Variants in TIAM2 observed in about 807,000 individuals in gnomAD.
The protein encoded by TIAM2 is TIAM Rac1 associated GEF 2.
Under a neutral mutation model 152.9 loss-of-function variants are expected in TIAM2, and 80 were observed. The observed-to-expected ratio is 0.52, with a 90% CI of 0.44 to 0.63. TIAM2 has a LOEUF of 0.63. Among genes scored for constraint, TIAM2 ranks in the 30% least tolerant of loss-of-function variants. The pLI is 0.00. For missense variants in TIAM2, 1,965 were observed against 2,120.1 expected (o/e 0.93, Z 1.44); for synonymous variants, 804 against 838.0 (o/e 0.96, Z 0.70).
chr6:155,151,530 A>G (rs907823712), intron 7 of TIAM2, among the ~76,000 whole-genome samples: 1 of 152,222 alleles, frequency 6.6e-6, no homozygotes, highest in Non-Finnish European at 1.5e-5. Flanking sequence ...GGAGGGACAC[A>G]TTCAGCCCAT....
chr6:155,160,586 G>A (rs1463808284), intron 7 of TIAM2, among the ~76,000 whole-genome samples: 1 of 152,106 alleles, frequency 6.6e-6, no homozygotes, highest in Non-Finnish European at 1.5e-5. Context: ...GGGCAACATA[G>A]TAAAACCCTG....
intron 19 of TIAM2, among the ~76,000 whole-genome samples, chr6:155,246,164 C>G (rs757122294): frequency 5.9e-5 from 9 of 151,856 alleles, no homozygotes; most frequent in Non-Finnish European, 1.0e-4. Flanking sequence ...AAAGTAAAGT[C>G]TCTCTGGTGC....
rs1779400450 is a variant in TIAM2 at position 155,129,863 on chromosome 6, G to A, written c.640G>A (p.Ala214Thr). 2 of 1,613,694 alleles carry A rather than the reference G, an allele frequency of 1.2e-6. No individual in the cohort carries two copies. Among genetic ancestry groups the A allele is most frequent in the East Asian group, 4.5e-5 (2 of 44,880 alleles). Reference protein sequence around the residue: ...LASETSPVPEARRGSSADSLP... With the variant: ...LASETSPVPETRRGSSADSLP... ...ATCGGAAACCTCCCCTGTGCCTGAA[G>A]CCAGGAGGGGGTCCAGCGCCGATTC... The change falls in exon 4 of 27, where the codon GCC (alanine) becomes ACC (threonine). Residue 214 changes from alanine to threonine, a missense_variant. Ala to Thr is a moderately conservative substitution (Grantham distance 58). This residue lies in a region of TIAM2 where 1,025 missense variants were observed against 1,119.4 expected (regional missense o/e 0.92). Coordinates refer to ENST00000682666, the MANE Select transcript of TIAM2 (RefSeq NM_012454.4). The surrounding 1 kb of genome is among the most constrained non-coding windows in gnomAD (Gnocchi z 4.8).
At chr6:155,178,542 C>A (rs1780814410) in intron 10 of TIAM2, among the ~76,000 whole-genome samples, 2 of 151,984 alleles carry the variant, frequency 1.3e-5, no homozygotes, top group African/African-American at 4.8e-5. Flanking sequence ...AAATAATTGT[C>A]CTCCTTTACT....
At chr6:155,088,117 A>G (rs1238997449) in intron 1 of TIAM2, among the ~76,000 whole-genome samples, 1 of 140,242 alleles carries the variant, frequency 7.1e-6, no homozygotes, top group Non-Finnish European at 1.5e-5. Context: ...GTGCAATGGC[A>G]TGATCTCGTT....
chr6:155,208,203 A>G (rs1245370296), intron 14 of TIAM2, among the ~76,000 whole-genome samples: 1 of 152,184 alleles, frequency 6.6e-6, no homozygotes, highest in Non-Finnish European at 1.5e-5. Context: ...AAGTCTTCTT[A>G]TTTACAAGGT....
intron 2 of TIAM2, among the ~76,000 whole-genome samples, chr6:155,096,809 C>T (rs916362974): frequency 1.3e-5 from 2 of 152,158 alleles, no homozygotes; most frequent in African/African-American, 2.4e-5. Flanking sequence ...CAGTAATAAA[C>T]ATGGGAGTGC....
chr6:155,012,821 G>A (rs953111762), intron 1 of TIAM2, among the ~76,000 whole-genome samples: 12 of 152,216 alleles, frequency 7.9e-5, no homozygotes, highest in African/African-American at 2.7e-4. Flanking sequence ...AAAGTGCTGG[G>A]ATTACAGGCG....
At chr6:155,172,644 A>G (rs535495825) in intron 9 of TIAM2, among the ~76,000 whole-genome samples, 558 of 16,788 alleles carry the variant, frequency 0.033, 25 homozygotes, top group African/African-American at 0.11. Context: ...AGTTGGAAAT[A>G]TATATATATA....
intron 1 of TIAM2, among the ~76,000 whole-genome samples, chr6:155,049,338 G>A (rs536621594): frequency 3.3e-5 from 5 of 152,108 alleles, no homozygotes; most frequent in Non-Finnish European, 5.9e-5. Context: ...AGGAGGGAGT[G>A]TGTTTTCACA....
At chr6:155,149,782 G>T (rs2115068100) in intron 7 of TIAM2, among the ~76,000 whole-genome samples, 1 of 152,128 alleles carries the variant, frequency 6.6e-6, no homozygotes, top group East Asian at 1.9e-4. Flanking sequence ...AATTATCTGG[G>T]CACGGTGGTG....
intron 1 of TIAM2, among the ~76,000 whole-genome samples, chr6:155,052,892 T>C (rs187679394): frequency 6.6e-6 from 1 of 152,316 alleles, no homozygotes; most frequent in Non-Finnish European, 1.5e-5. Flanking sequence ...AGGAAAATAT[T>C]ACATAAGTTC....
At chr6:155,016,175 A>C (rs1297554265) in intron 1 of TIAM2, 1 of 152,174 alleles carries the variant, frequency 6.6e-6, no homozygotes, top group Non-Finnish European at 1.5e-5. Context: ...ACTCTCTCCC[A>C]TAGAAATAAA....
At chr6:155,114,533 T>C (rs943867033) in intron 2 of TIAM2, among the ~76,000 whole-genome samples, 2 of 152,164 alleles carry the variant, frequency 1.3e-5, no homozygotes, top group East Asian at 3.9e-4. Flanking sequence ...CTCTAAGTTA[T>C]AATTATTATT....
At chr6:155,203,762 T>C (rs1447300473) in intron 14 of TIAM2, among the ~76,000 whole-genome samples, 1 of 152,214 alleles carries the variant, frequency 6.6e-6, no homozygotes, top group East Asian at 1.9e-4. Context: ...ACTTCATTGT[T>C]ATTTGGCTGC....
intron 1 of TIAM2, among the ~76,000 whole-genome samples, chr6:155,007,310 A>G (rs1466418103): frequency 6.6e-6 from 1 of 152,170 alleles, no homozygotes; most frequent in Non-Finnish European, 1.5e-5. Context: ...CCAGTCACAT[A>G]TAAATGCAGC....
chr6:155,189,139 T>C (rs752298455), intron 14 of TIAM2, among the ~76,000 whole-genome samples: 13 of 152,248 alleles, frequency 8.5e-5, no homozygotes, highest in Non-Finnish European at 1.3e-4. Flanking sequence ...AAAAGCATTA[T>C]AGAGCCAGCT....
chr6:155,058,861 A>G (rs1167436315), intron 1 of TIAM2, among the ~76,000 whole-genome samples: 2 of 152,212 alleles, frequency 1.3e-5, no homozygotes. Flanking sequence ...TTAGGAATAT[A>G]CAATATGATA....
rs569993187 is a variant in TIAM2, at chr6:155,084,871, C to T, written c.-208-5418C>T. On this transcript the variant is annotated intron_variant, in intron 1 of 26. Transcript: ENST00000682666. ...TGCAGGAACAGTGCATTAGTGTGGA[C>T]GTGGGAGGCTGGTGAAAATTGTTAT... 1.1e-4 allele frequency among the ~76,000 whole-genome samples: 16 copies of T among 152,162 alleles called. 1 individual carries two copies. Among genetic ancestry groups the T allele is most frequent in the South Asian group, 6.2e-4 (3 of 4,816 alleles).
Sources: gnomAD v4.1 joint callset for allele counts (sites outside exome capture counted in the v4.1 genomes callset) on GRCh38, gnomAD v4.1.1 for gene constraint, gnomAD v4.1.1 regional missense constraint, Gnocchi (gnomAD v3.1) non-coding constraint, MANE v1.5 for transcripts, NCBI Gene and HGNC (gene_info 2026-07-23, HGNC 2026-07-21) for gene names.